Variants in LMOD1 observed in about 807,000 individuals in gnomAD.
The protein encoded by LMOD1 is leiomodin-1.
LMOD1 carries 8 observed loss-of-function variants against 36.5 expected under a neutral mutation model. That is an observed-to-expected ratio of 0.22 (90% CI 0.13 to 0.40). LMOD1 has a LOEUF of 0.40. Among genes scored for constraint, LMOD1 ranks in the 10% least tolerant of loss-of-function variants. The pLI is 1.00. For synonymous variants in LMOD1, 284 were observed against 288.7 expected, an observed-to-expected ratio of 0.98 and a Z score of 0.17; for missense variants, 630 against 751.1, an observed-to-expected ratio of 0.84 and a Z score of 1.88.
At chr1:201,931,878 G>A (rs1343828489) in intron 1 of LMOD1, among the ~76,000 whole-genome samples, 2 of 151,938 alleles carry the variant, frequency 1.3e-5, no homozygotes, top group Non-Finnish European at 2.9e-5. Context: ...TCCAACCTGG[G>A]TGACAGGGCC....
chr1:201,933,566 T>C, intron 1 of LMOD1, among the ~76,000 whole-genome samples: 1 of 136,840 alleles, frequency 7.3e-6, no homozygotes, highest in Non-Finnish European at 1.6e-5. Context: ...AATACATATA[T>C]ATATTATATA....
At chr1:201,927,235 GA>G (rs1462406712) in intron 1 of LMOD1, among the ~76,000 whole-genome samples, 15 of 152,264 alleles carry the variant, frequency 9.9e-5, no homozygotes, top group Admixed American at 3.3e-4. Flanking sequence ...TGGAACACTT[GA>G]GTCTTTAGTA....
intron 1 of LMOD1, among the ~76,000 whole-genome samples, chr1:201,925,397 G>C (rs1681811479): frequency 6.6e-6 from 1 of 152,144 alleles, no homozygotes; most frequent in African/African-American, 2.4e-5. Flanking sequence ...AAGGCATTAG[G>C]TTCTGCTTTT....
intron 1 of LMOD1, among the ~76,000 whole-genome samples, chr1:201,920,028 C>T (rs944263823): frequency 2.0e-5 from 3 of 151,146 alleles, no homozygotes; most frequent in South Asian, 2.1e-4. Context: ...CATCTCCACC[C>T]GCCACTGGCT....
chr1:201,922,473 G>T (rs997493013), intron 1 of LMOD1, among the ~76,000 whole-genome samples: 2 of 152,116 alleles, frequency 1.3e-5, no homozygotes, highest in African/African-American at 4.8e-5. Flanking sequence ...AAAGAAGCCA[G>T]ATCTGAAAGA....
intron 1 of LMOD1, among the ~76,000 whole-genome samples, chr1:201,918,254 G>C (rs10753906): frequency 0.59 from 89,094 of 151,984 alleles, 26,524 homozygotes; most frequent in African/African-American, 0.7. Flanking sequence ...TAACATAGCT[G>C]AGATTAGCTT....
Position 201,898,321 on chromosome 1 carries a change from G to A in LMOD1, c.*51C>T. 4 of 1,593,752 alleles carry A rather than the reference G, an allele frequency of 2.5e-6. No individual in the cohort carries two copies. Among genetic ancestry groups the A allele is most frequent in the South Asian group, 1.1e-5 (1 of 88,178 alleles). ...GGCAGGGTCTGTGTAGCCCTGGGAG[G>A]TGAGGCCTGAGCAGTCATGGCATTG... On this transcript the variant is annotated 3_prime_UTR_variant, in exon 3 of 3. Coordinates refer to ENST00000367288, the MANE Select transcript of LMOD1 (RefSeq NM_012134.3).
At chr1:201,928,332 G>A (rs987782036) in intron 1 of LMOD1, among the ~76,000 whole-genome samples, 1 of 152,168 alleles carries the variant, frequency 6.6e-6, no homozygotes, top group East Asian at 1.9e-4. Context: ...CTGATCAGTT[G>A]CCTACAAGGA....
chr1:201,924,662 AAAAAAAGAAAGAAAG>A (rs1681786427), intron 1 of LMOD1, among the ~76,000 whole-genome samples: 1 of 115,850 alleles, frequency 8.6e-6, no homozygotes, highest in South Asian at 3.0e-4. Context: ...GAAAGAAAGA[AAAAAAAGAAAGAAAG>A]AAAGAAAGAA....
At chr1:201,928,143 G>C (rs1004234854) in intron 1 of LMOD1, among the ~76,000 whole-genome samples, 1 of 152,150 alleles carries the variant, frequency 6.6e-6, no homozygotes, top group Admixed American at 6.5e-5. Context: ...CCTTGATCTT[G>C]GACTTCCCAG....
At chr1:201,935,514 T>C (rs1224253458) in intron 1 of LMOD1, among the ~76,000 whole-genome samples, 1 of 152,124 alleles carries the variant, frequency 6.6e-6, no homozygotes, top group African/African-American at 2.4e-5. Flanking sequence ...AGTTCACACC[T>C]GTACACCTGT....
Position 201,946,272 on chromosome 1 carries a change from G to A in LMOD1, c.69C>T (p.Thr23=). The A allele has an allele frequency of 6.2e-7, 1 of 1,613,910 alleles. No individual in the cohort carries two copies. The highest frequency in any genetic ancestry group is 8.5e-7 in the Non-Finnish European group (1 of 1,179,802). ...EDPDIDSLLE[T]LSPEEMEELE... ...GCTCCTCCATCTCCTCGGGAGACAG[G>A]GTCTCCAGCAGGCTGTCGATGTCGG... is the stretch of plus-strand genomic sequence containing the variant. Residue 23 remains threonine, a synonymous_variant, in exon 1 of 3, where the codon ACC becomes ACT. Coordinates refer to ENST00000367288, the MANE Select transcript of LMOD1 (RefSeq NM_012134.3).
At chr1:201,942,817 AC>A (rs1262754680) in intron 1 of LMOD1, among the ~76,000 whole-genome samples, 25 of 152,174 alleles carry the variant, frequency 1.6e-4, no homozygotes, top group Middle Eastern at 3.4e-3. Context: ...ATCTATATAT[AC>A]CCCCACCCAG....
chr1:201,933,373 C>T, intron 1 of LMOD1, among the ~76,000 whole-genome samples: 1 of 149,844 alleles, frequency 6.7e-6, no homozygotes, highest in East Asian at 2.0e-4. Flanking sequence ...AAGATCTCGT[C>T]ATTGCACTCC....
intron 1 of LMOD1, among the ~76,000 whole-genome samples, chr1:201,941,401 G>C (rs1464516009): frequency 6.6e-6 from 1 of 152,192 alleles, no homozygotes; most frequent in African/African-American, 2.4e-5. Flanking sequence ...TCAAATTTCA[G>C]GGCGAGATTT....
At chr1:201,914,219 G>T (rs528741115) in intron 1 of LMOD1, among the ~76,000 whole-genome samples, 3 of 152,310 alleles carry the variant, frequency 2.0e-5, no homozygotes, top group African/African-American at 4.8e-5. Context: ...CCTCCCAGGT[G>T]CTGGGCTATC....
Position 201,900,743 on chromosome 1 carries a change from C to A in LMOD1, c.270G>T (p.Lys90Asn). ...MQREMSMDES[K>N]QVETKTDAKN... ...TGGCATCTGTCTTGGTCTCCACTTG[C>A]TTGCTTTCCTAAGAATTCAGAAAAG... is the stretch of plus-strand genomic sequence containing the variant. The change falls in exon 2 of 3, where the codon AAG becomes AAT. Residue 90 changes from lysine to asparagine, a missense_variant. By Grantham distance (94) the Lys-to-Asn change is moderately conservative. Around this residue, in one of 3 missense-constraint regions of LMOD1, gnomAD observed 405 missense variants for 400.6 expected, o/e 1.01. Transcript: ENST00000367288. The A allele has an allele frequency of 6.3e-7, 1 of 1,577,144 alleles. No individual in the cohort carries two copies. The highest frequency in any genetic ancestry group is 8.6e-7 in the Non-Finnish European group (1 of 1,165,816).
intron 1 of LMOD1, among the ~76,000 whole-genome samples, chr1:201,924,098 C>T (rs1340832275): frequency 2.7e-5 from 4 of 150,848 alleles, no homozygotes; most frequent in South Asian, 2.1e-4. Context: ...GGGCAGATCA[C>T]GAGGTCAGGA....
chr1:201,919,841 A>G (rs2360546), intron 1 of LMOD1, among the ~76,000 whole-genome samples: 28,337 of 152,030 alleles, frequency 0.19, 3,009 homozygotes, highest in East Asian at 0.4. Context: ...ACTCTCTGGT[A>G]TCCTACTACA....
Sources: allele counts gnomAD v4.1 joint callset (sites outside exome capture counted in the v4.1 genomes callset), GRCh38; gene constraint gnomAD v4.1.1; regional missense constraint gnomAD v4.1.1; transcripts MANE v1.5; gene names NCBI Gene and HGNC (gene_info 2026-07-23, HGNC 2026-07-21).